The following KCTD9 variants were observed in gnomAD, a reference collection of about 807,000 sequenced individuals.
KCTD9 encodes BTB/POZ domain-containing protein KCTD9.
A neutral mutation model predicts 53.3 loss-of-function variants in KCTD9; 17 were observed. The observed-to-expected ratio is 0.32, with a 90% CI of 0.22 to 0.48. KCTD9 has a LOEUF of 0.48. Ranked by LOEUF, KCTD9 falls within the 20% of genes least tolerant of loss-of-function variation. KCTD9 has a pLI of 0.99. For missense variants in KCTD9, 179 were observed against 465.5 expected, an observed-to-expected ratio of 0.38 and a Z score of 5.66; for synonymous variants, 128 against 162.7, an observed-to-expected ratio of 0.79 and a Z score of 1.62.
At chr8:25,457,309 C>T in intron 1 of KCTD9, 1 of 964,788 alleles carries the variant, frequency 1.0e-6, no homozygotes, top group Non-Finnish European at 1.2e-6. Flanking sequence ...ACCTTAGACT[C>T]GTAAAGGCTG....
intron 4 of KCTD9, 87 bp downstream of exon 4, chr8:25,440,490 T>C (rs1802102524): frequency 2.2e-6 from 2 of 913,184 alleles, no homozygotes; most frequent in Non-Finnish European, 3.6e-6. Flanking sequence ...TTTGAGTATC[T>C]TTTAAGGAAA....
intron 11 of KCTD9, among the ~76,000 whole-genome samples, chr8:25,432,065 G>C (rs187771669): frequency 6.0e-4 from 92 of 152,256 alleles, no homozygotes; most frequent in African/African-American, 2.1e-3. Context: ...TATCAAGTCT[G>C]CTAGCTAAAC....
intron 11 of KCTD9, among the ~76,000 whole-genome samples, chr8:25,432,070 C>T (rs193245378): frequency 2.4e-4 from 36 of 152,196 alleles, no homozygotes; most frequent in Admixed American, 2.1e-3. Context: ...AGTCTGCTAG[C>T]TAAACTGGCA....
intron 4 of KCTD9, among the ~76,000 whole-genome samples, chr8:25,440,104 G>C (rs1445986401): frequency 6.7e-6 from 1 of 149,102 alleles, no homozygotes; most frequent in Non-Finnish European, 1.5e-5. Context: ...TGTCACCCAG[G>C]CTGGAGTGCA....
At chr8:25,444,243 CTTT>C (rs57257880) in intron 3 of KCTD9, 46 bp downstream of exon 3, 525 of 962,422 alleles carry the variant, frequency 5.5e-4, no homozygotes, top group Admixed American at 8.2e-4. Context: ...GTCATTCCAT[CTTT>C]TTTTTTTTTT....
Position 25,436,465 on chromosome 8 carries a change from A to C in KCTD9, c.520T>G (p.Phe174Val). The C allele has an allele frequency of 6.3e-7, 1 of 1,578,918 alleles. No individual in the cohort carries two copies. The highest frequency in any genetic ancestry group is 8.5e-7 in the Non-Finnish European group (1 of 1,171,666). ...TCAATCAATGAGTCAATACCAAAAA[A>C]TCTTGCTTCTTCTAACACACCTATC... Reference protein sequence around the residue: ...NLLGVLEEARFFGIDSLIEHL... With the variant: ...NLLGVLEEARVFGIDSLIEHL... Residue 174 changes from phenylalanine (F) to valine (V), a missense_variant, in exon 7 of 12, where the codon TTT becomes GTT. Phe to Val is a conservative substitution (Grantham distance 50). Transcript: ENST00000221200.
At chr8:25,446,440 C>T (rs1318780681) in intron 1 of KCTD9, among the ~76,000 whole-genome samples, 190 bp from the exon 2 acceptor site, 2 of 152,038 alleles carry the variant, frequency 1.3e-5, no homozygotes, top group African/African-American at 4.8e-5. Context: ...GCCGACTCCT[C>T]AACTAGAACA....
chr8:25,440,489 C>G, intron 4 of KCTD9, 88 bp downstream of exon 4: 1 of 899,976 alleles, frequency 1.1e-6, no homozygotes, highest in East Asian at 2.4e-5. Flanking sequence ...ATTTGAGTAT[C>G]TTTTAAGGAA....
intron 1 of KCTD9, among the ~76,000 whole-genome samples, chr8:25,456,387 G>A (rs976611966): frequency 6.6e-6 from 1 of 152,094 alleles, no homozygotes; most frequent in African/African-American, 2.4e-5. Flanking sequence ...ATATAAAAAT[G>A]CAAGCTGTTA....
In KCTD9 at chr8:25,446,217, G is replaced by A; in HGVS notation, c.82C>T (p.Leu28Phe). The A allele has an allele frequency of 6.2e-7, 1 of 1,613,930 alleles. No homozygotes were observed. ...VAVYGTLSDL[L>F]SVASSKLGIK... ...CCGAGTTTACTGCTGGCCACAGAAA[G>A]CAAATCAGATAAAGTTCCATATACA... Residue 28 changes from leucine (L) to phenylalanine (F), a missense_variant, in exon 2 of 12, where the codon CTT becomes TTT. Leu to Phe is a conservative substitution (Grantham distance 22). Coordinates refer to ENST00000221200, the MANE Select transcript of KCTD9 (RefSeq NM_017634.4).
chr8:25,458,387 AC>A lies in KCTD9; in HGVS notation c.-142del. ...GCCACCTTCCTGCCCTTGGGGACAC[AC>A]CACACGCACGCACTCTGTCCCACAC... On this transcript the variant is annotated 5_prime_UTR_variant, in exon 1 of 12. Transcript: ENST00000221200. The A allele has an allele frequency of 1.1e-6, 1 of 887,872 alleles. No individual in the cohort carries two copies. Among genetic ancestry groups the A allele is most frequent in the Non-Finnish European group, 1.8e-6 (1 of 558,450 alleles). The allele number at this position is 887,872 out of a possible 1,614,324, so 55.0% of individuals were successfully genotyped here. A position where few individuals can be genotyped will look rare whatever the true frequency, so the allele number is the denominator to read the frequency against.
At position 25,429,575 on chromosome 8, in the gene KCTD9, TG is replaced by T; in HGVS notation, c.*281del. On this transcript the variant is annotated 3_prime_UTR_variant, in exon 12 of 12. Coordinates refer to ENST00000221200, the MANE Select transcript of KCTD9 (RefSeq NM_017634.4). ...AAGCAAATATAATAGATACTATGCC[TG>T]GTCATAAAACCAGGTAAACCCCCCT... is the stretch of plus-strand genomic sequence containing the variant. 2 of 257,588 alleles carry T rather than the reference TG, an allele frequency of 7.8e-6. No individual in the cohort carries two copies. 16.0% of individuals were successfully genotyped at this position (257,588 alleles called of 1,614,324 possible).
chr8:25,432,761 T>C, intron 10 of KCTD9, 124 bp from the exon 11 acceptor site: 1 of 809,686 alleles, frequency 1.2e-6, no homozygotes, highest in Non-Finnish European at 2.0e-6. Flanking sequence ...AAATCTTGTC[T>C]CTCAACGAAC....
At chr8:25,453,695 T>G (rs966561577) in intron 1 of KCTD9, among the ~76,000 whole-genome samples, 2 of 150,342 alleles carry the variant, frequency 1.3e-5, no homozygotes, top group African/African-American at 2.4e-5. Flanking sequence ...CATATATATG[T>G]GACAAAACTA....
In KCTD9 at chr8:25,439,265, C is replaced by T; in HGVS notation, c.499+14G>A. 1 of 1,571,346 alleles carries T rather than the reference C, an allele frequency of 6.4e-7. No homozygotes were observed. On this transcript the variant is annotated intron_variant, in intron 6 of 11. Transcript: ENST00000221200. ...GTAGTTACATAATTATATTGAAAGT[C>T]TAAATAAACTCACCCAATAAATTAA...
In KCTD9 at chr8:25,439,295, A is replaced by G. The variant is rs1802075206; in HGVS notation, c.483T>C (p.Asp161=). 1.9e-6 allele frequency: 3 copies of G among 1,596,986 alleles called. No individual in the cohort carries two copies. The highest frequency in any genetic ancestry group is 1.3e-5 in the African/African-American group (1 of 74,224). ...YLRHGQLIVN[D]GINLLGVLEE... The stretch of plus-strand genomic sequence containing the variant: ...TAAACTCACCCAATAAATTAATGCC[A>G]TCATTTACAATGAGCTGTCCATGAC... The change falls in exon 6 of 12, where the codon GAT becomes GAC. Residue 161 remains aspartate, a synonymous_variant. Coordinates refer to ENST00000221200, the MANE Select transcript of KCTD9 (RefSeq NM_017634.4).
rs1411160963 is a variant in KCTD9, at chr8:25,439,603, C to G, written c.370+3G>C. 1 of 1,614,058 alleles carries G rather than the reference C, an allele frequency of 6.2e-7. No individual in the cohort carries two copies. Among genetic ancestry groups the G allele is most frequent in the African/African-American group, 1.3e-5 (1 of 75,068 alleles). On this transcript the variant is annotated splice_donor_region_variant and intron_variant, in intron 5 of 11. Coordinates refer to ENST00000221200, the MANE Select transcript of KCTD9 (RefSeq NM_017634.4). ...AAATGTGAAAACAACGTGTTACACT[C>G]ACCTTTGTCCTTAAACATGTGGGCC...
chr8:25,438,807 TCTCC>T (rs1260868162), intron 6 of KCTD9, among the ~76,000 whole-genome samples: 1 of 152,206 alleles, frequency 6.6e-6, no homozygotes, highest in Middle Eastern at 3.2e-3. Flanking sequence ...CCCAAGTTAG[TCTCC>T]CTAAGTTAGC....
At chr8:25,438,131 C>G (rs1376891829) in intron 6 of KCTD9, among the ~76,000 whole-genome samples, 2 of 151,972 alleles carry the variant, frequency 1.3e-5, no homozygotes, top group African/African-American at 4.8e-5. Context: ...TTGGTAATAG[C>G]TTGGTTTGCA....
Sources: gnomAD v4.1 joint callset for allele counts (sites outside exome capture counted in the v4.1 genomes callset) on GRCh38, gnomAD v4.1.1 for gene constraint, MANE v1.5 for transcripts, NCBI Gene and HGNC (gene_info 2026-07-23, HGNC 2026-07-21) for gene names.